Variants in NCAM2 observed in about 807,000 individuals in gnomAD.
NCAM2 encodes neural cell adhesion molecule 2.
A neutral mutation model predicts 98.1 loss-of-function variants in NCAM2; 30 were observed. That is an observed-to-expected ratio of 0.31 (90% confidence interval 0.23 to 0.41). NCAM2 has a LOEUF of 0.41. Ranked by LOEUF, NCAM2 falls within the 10% of genes least tolerant of loss-of-function variation. The pLI is 1.00. For missense variants in NCAM2, 867 were observed against 1,005.8 expected (o/e 0.86, Z 1.87); for synonymous variants, 368 against 342.4 (o/e 1.07, Z -0.83).
At chr21:21,097,009 T>C (rs1202291007) in intron 1 of NCAM2, among the ~76,000 whole-genome samples, 1 of 151,768 alleles carries the variant, frequency 6.6e-6, no homozygotes, top group African/African-American at 2.4e-5. Flanking sequence ...TTACCTTTGA[T>C]TTCAATTTCA....
chr21:21,038,584 C>T (rs1008425752), intron 1 of NCAM2, among the ~76,000 whole-genome samples: 1 of 152,168 alleles, frequency 6.6e-6, no homozygotes, highest in Non-Finnish European at 1.5e-5. Flanking sequence ...AGTACTTTTC[C>T]TTGCTGCTGC....
intron 1 of NCAM2, among the ~76,000 whole-genome samples, chr21:21,072,678 T>C (rs923800471): frequency 2.0e-5 from 3 of 152,164 alleles, no homozygotes; most frequent in Admixed American, 2.0e-4. Context: ...GAATACAAAT[T>C]GTTGAGTGCC....
At chr21:21,181,878 C>G (rs1471722058) in intron 1 of NCAM2, among the ~76,000 whole-genome samples, 1 of 151,452 alleles carries the variant, frequency 6.6e-6, no homozygotes, top group Non-Finnish European at 1.5e-5. Context: ...TCTCTGTTAC[C>G]ACAGGAAATA....
intron 15 of NCAM2, among the ~76,000 whole-genome samples, chr21:21,478,372 CTTA>C (rs1042174470): frequency 2.6e-5 from 4 of 151,714 alleles, no homozygotes; most frequent in African/African-American, 9.7e-5. Context: ...ATTTATTTGT[CTTA>C]TTATATTAGA....
At chr21:21,487,932 G>A (rs754245227) in intron 15 of NCAM2, among the ~76,000 whole-genome samples, 4 of 152,030 alleles carry the variant, frequency 2.6e-5, no homozygotes, top group Non-Finnish European at 5.9e-5. Flanking sequence ...AGGTCATTAG[G>A]ACGGACTAAG....
At chr21:21,407,300 G>A (rs988288454) in intron 9 of NCAM2, among the ~76,000 whole-genome samples, 7 of 152,132 alleles carry the variant, frequency 4.6e-5, no homozygotes, top group Non-Finnish European at 8.8e-5. Flanking sequence ...ATTATAGACC[G>A]GCGTTATCAA....
intron 15 of NCAM2, among the ~76,000 whole-genome samples, chr21:21,507,417 T>C (rs1988050002): frequency 6.6e-6 from 1 of 152,168 alleles, no homozygotes; most frequent in Non-Finnish European, 1.5e-5. Flanking sequence ...TCTATACCCG[T>C]ATCTGTCACT....
intron 1 of NCAM2, among the ~76,000 whole-genome samples, chr21:21,192,228 CA>C (rs965515322): frequency 3.9e-4 from 59 of 149,684 alleles, no homozygotes; most frequent in African/African-American, 1.4e-3. Flanking sequence ...CCTCAAAAAA[CA>C]AAAAAACAAA....
At chr21:21,048,397 G>T (rs1338429405) in intron 1 of NCAM2, among the ~76,000 whole-genome samples, 5 of 151,898 alleles carry the variant, frequency 3.3e-5, no homozygotes, top group African/African-American at 1.2e-4. Context: ...CTGTCACCCA[G>T]ACTGGAGTAC....
chr21:21,088,139 T>C (rs2065939937), intron 1 of NCAM2, among the ~76,000 whole-genome samples: 1 of 152,218 alleles, frequency 6.6e-6, no homozygotes, highest in Non-Finnish European at 1.5e-5. Context: ...ATACAATTAA[T>C]AGCTTTCAAA....
At chr21:21,209,737 A>G (rs554995717) in intron 1 of NCAM2, among the ~76,000 whole-genome samples, 1 of 152,210 alleles carries the variant, frequency 6.6e-6, no homozygotes, top group African/African-American at 2.4e-5. Flanking sequence ...CGTGTGTTCT[A>G]CACATAAGAT....
chr21:21,251,556 T>C (rs1035619689), intron 1 of NCAM2, among the ~76,000 whole-genome samples: 8 of 152,138 alleles, frequency 5.3e-5, no homozygotes, highest in African/African-American at 1.7e-4. Context: ...AGTCTATCAT[T>C]GATGCGCATT....
intron 5 of NCAM2, among the ~76,000 whole-genome samples, chr21:21,309,662 A>T (rs1048134899): frequency 1.3e-5 from 2 of 152,136 alleles, no homozygotes; most frequent in African/African-American, 4.8e-5. Flanking sequence ...TCACTTTGCC[A>T]TTAAGTCCTG....
chr21:21,256,626 C>CT (rs34982472), intron 1 of NCAM2, among the ~76,000 whole-genome samples: 4 of 152,016 alleles, frequency 2.6e-5, no homozygotes, highest in African/African-American at 4.8e-5. Flanking sequence ...AATCATATGC[C>CT]TTTTTTAAGG....
At chr21:21,507,604 T>A (rs1016707636) in intron 15 of NCAM2, among the ~76,000 whole-genome samples, 1 of 151,848 alleles carries the variant, frequency 6.6e-6, no homozygotes, top group African/African-American at 2.4e-5. Context: ...CCATCCTGGC[T>A]AACACGGTGA....
intron 16 of NCAM2, among the ~76,000 whole-genome samples, chr21:21,525,488 C>T (rs1285916024): frequency 6.6e-6 from 1 of 152,080 alleles, no homozygotes; most frequent in East Asian, 1.9e-4. Flanking sequence ...TCTGAACAGA[C>T]CTTTATATCC....
intron 15 of NCAM2, among the ~76,000 whole-genome samples, chr21:21,504,959 T>C: frequency 6.6e-6 from 1 of 151,934 alleles, no homozygotes; most frequent in East Asian, 1.9e-4. Context: ...CTTTTAGTTA[T>C]TTTTAAATGT....
chr21:21,140,224 A>G (rs907217145), intron 1 of NCAM2, among the ~76,000 whole-genome samples: 9 of 152,192 alleles, frequency 5.9e-5, no homozygotes, highest in Admixed American at 1.3e-4. Context: ...ATAAGGAACA[A>G]GACAGCTTGA....
intron 1 of NCAM2, among the ~76,000 whole-genome samples, chr21:21,005,204 A>G (rs2064089519): frequency 1.3e-5 from 2 of 152,106 alleles, no homozygotes; most frequent in Admixed American, 1.3e-4. Context: ...ACATGGTTAA[A>G]TTTTGGTTTG....
Sources: gnomAD v4.1 joint callset for allele counts (sites outside exome capture counted in the v4.1 genomes callset) on GRCh38, gnomAD v4.1.1 for gene constraint, MANE v1.5 for transcripts, NCBI Gene and HGNC (gene_info 2026-07-23, HGNC 2026-07-21) for gene names.